Variants in RNF121 observed in about 807,000 individuals in gnomAD.
The protein encoded by RNF121 is ring finger protein 121.
A neutral mutation model predicts 46.5 loss-of-function variants in RNF121; 21 were observed. The observed-to-expected ratio is 0.45, with a 90% CI of 0.32 to 0.65. RNF121 has a LOEUF of 0.65. RNF121 is among the 30% of genes least tolerant of loss of function. The pLI, the probability that RNF121 is intolerant of heterozygous loss-of-function variation, is 0.04. For missense variants in RNF121, 346 were observed against 416.0 expected (o/e 0.83, Z 1.46); for synonymous variants, 139 against 144.7 (o/e 0.96, Z 0.28).
intron 1 of RNF121, among the ~76,000 whole-genome samples, chr11:71,945,606 T>C (rs1953694430): frequency 6.6e-6 from 1 of 152,226 alleles, no homozygotes; most frequent in Admixed American, 6.5e-5. Flanking sequence ...CTGTCTGTCA[T>C]TTATTGAACA....
chr11:71,935,305 A>C (rs1040746508), intron 1 of RNF121, among the ~76,000 whole-genome samples: 1 of 152,212 alleles, frequency 6.6e-6, no homozygotes, highest in African/African-American at 2.4e-5. Context: ...CATTTTATAG[A>C]TGTGGAAGCT....
chr11:71,962,376 G>A (rs1344240262), intron 3 of RNF121: 2 of 782,730 alleles, frequency 2.6e-6, no homozygotes, highest in Non-Finnish European at 1.5e-6. Context: ...TTATCTTAAG[G>A]AAAAACTCAA....
intron 2 of RNF121, among the ~76,000 whole-genome samples, chr11:71,957,722 A>T (rs1453983948): frequency 1.3e-5 from 2 of 152,178 alleles, no homozygotes; most frequent in African/African-American, 2.4e-5. Flanking sequence ...ATGATACAGG[A>T]TGGGGAGCTC....
chr11:71,954,977 G>A (rs1316535025), intron 1 of RNF121, among the ~76,000 whole-genome samples: 2 of 152,086 alleles, frequency 1.3e-5, no homozygotes, highest in Non-Finnish European at 2.9e-5. Context: ...GCTCAGCTCT[G>A]TGCTGTTCTC....
chr11:71,933,858 A>G (rs1953334504), intron 1 of RNF121, among the ~76,000 whole-genome samples: 1 of 152,210 alleles, frequency 6.6e-6, no homozygotes. Flanking sequence ...GATAGCTACC[A>G]TTTACTGGAT....
intron 2 of RNF121, among the ~76,000 whole-genome samples, chr11:71,958,079 A>G (rs149650405): frequency 6.6e-6 from 1 of 152,362 alleles, no homozygotes; most frequent in East Asian, 1.9e-4. Context: ...ATTCTGAATA[A>G]TTTAAAAGAT....
intron 1 of RNF121, among the ~76,000 whole-genome samples, chr11:71,957,004 A>G (rs1954004177): frequency 6.6e-6 from 1 of 152,244 alleles, no homozygotes; most frequent in Non-Finnish European, 1.5e-5. Flanking sequence ...CTTATTGCCT[A>G]GCACAGACGT....
At chr11:71,953,549 T>C (rs938300762) in intron 1 of RNF121, among the ~76,000 whole-genome samples, 2 of 152,156 alleles carry the variant, frequency 1.3e-5, no homozygotes, top group Non-Finnish European at 2.9e-5. Flanking sequence ...TCAGGAGGTC[T>C]GGGATGGAGT....
At chr11:71,961,762 A>ATAGTAAAT (rs1162624861) in intron 3 of RNF121, among the ~76,000 whole-genome samples, 1 of 152,170 alleles carries the variant, frequency 6.6e-6, no homozygotes, top group African/African-American at 2.4e-5. Context: ...TATGCTGTCT[A>ATAGTAAAT]TAGTAAATTC....
chr11:71,944,126 G>A (rs1431712150), intron 1 of RNF121, among the ~76,000 whole-genome samples: 1 of 152,134 alleles, frequency 6.6e-6, no homozygotes, highest in East Asian at 1.9e-4. Context: ...GAGGTCAGGA[G>A]TTCGAGACCA....
intron 3 of RNF121, among the ~76,000 whole-genome samples, chr11:71,976,345 CTTTTTTTTTT>C (rs35710756): frequency 2.2e-5 from 1 of 46,068 alleles, no homozygotes; most frequent in African/African-American, 9.3e-5. Flanking sequence ...TGGGTATATT[CTTTTTTTTTT>C]TTTTTTTTTT....
chr11:71,971,582 A>G (rs1954421147), intron 3 of RNF121, among the ~76,000 whole-genome samples: 2 of 151,900 alleles, frequency 1.3e-5, no homozygotes, highest in South Asian at 2.1e-4. Context: ...AAACTCCTAC[A>G]AATCAACAAA....
chr11:71,935,947 A>G (rs964260135), intron 1 of RNF121, among the ~76,000 whole-genome samples: 1 of 144,406 alleles, frequency 6.9e-6, no homozygotes, highest in African/African-American at 2.6e-5. Context: ...TCCTGGGTTC[A>G]AGGGTTTCTC....
In RNF121 at chr11:71,949,936, C is replaced by T. The variant is rs964036175; in HGVS notation, c.64-7291C>T. 7.5e-4 allele frequency among the ~76,000 whole-genome samples: 114 copies of T among 151,834 alleles called. 1 individual carries two copies. The highest frequency in any genetic ancestry group is 2.7e-3 in the African/African-American group (111 of 41,372). ...GAATTGCTTAAACCTGGGAGGCAGACGTTGCAGTGAGCCAAGATTGCGCCA... is the reference window on the plus strand; with the variant it reads ...GAATTGCTTAAACCTGGGAGGCAGATGTTGCAGTGAGCCAAGATTGCGCCA... On this transcript the variant is annotated intron_variant, in intron 1 of 8. Transcript: ENST00000361756.
At chr11:71,957,316 CT>C (rs3216157) in intron 2 of RNF121, 52 bp downstream of exon 2, 1,141,664 of 1,197,852 alleles carry the variant, frequency 0.95, 545,590 homozygotes, top group Non-Finnish European at 0.98. Context: ...GTTAACCCAG[CT>C]TAATTGAGTG....
At chr11:71,946,112 AAAAAGAAAAG>A (rs748193761) in intron 1 of RNF121, among the ~76,000 whole-genome samples, 4 of 152,120 alleles carry the variant, frequency 2.6e-5, no homozygotes, top group East Asian at 3.9e-4. Flanking sequence ...CTCTGCCTTA[AAAAAGAAAAG>A]AAAAGAAAAG....
At chr11:71,966,647 A>AAG (rs1554988728) in intron 3 of RNF121, among the ~76,000 whole-genome samples, 1 of 151,202 alleles carries the variant, frequency 6.6e-6, no homozygotes, top group Non-Finnish European at 1.5e-5. Flanking sequence ...ACGCTTGGCT[A>AAG]ATATATATAT....
Position 71,996,496 on chromosome 11 carries a change from C to G in RNF121, c.*181C>G, listed in dbSNP as rs1954981279. On this transcript the variant is annotated 3_prime_UTR_variant, in exon 9 of 9. Coordinates refer to ENST00000361756, the MANE Select transcript of RNF121 (RefSeq NM_018320.5). ...ATGGAGAGCCAGCCAGTGGGGCTGT[C>G]AGCAGTGGGGGGCTTTTTAAAAGAA... is the stretch of plus-strand genomic sequence containing the variant. The G allele has an allele frequency of 3.3e-6, 2 of 614,268 alleles. No homozygotes were observed. The highest frequency in any genetic ancestry group is 5.5e-6 in the Non-Finnish European group (2 of 363,582). 38.1% of individuals were successfully genotyped at this position (614,268 alleles called of 1,614,324 possible).
intron 3 of RNF121, among the ~76,000 whole-genome samples, chr11:71,982,335 C>CAA (rs10635678): frequency 0.032 from 2,553 of 79,056 alleles, 130 homozygotes; most frequent in Middle Eastern, 0.1. Context: ...GACTCCATCT[C>CAA]AAAAAAAAAA....
Sources: allele counts gnomAD v4.1 joint callset (sites outside exome capture counted in the v4.1 genomes callset), GRCh38; gene constraint gnomAD v4.1.1; transcripts MANE v1.5; gene names NCBI Gene and HGNC (gene_info 2026-07-23, HGNC 2026-07-21).